Variants in HYPK observed in about 807,000 individuals in gnomAD.
HYPK encodes the protein huntingtin-interacting protein K.
Under a neutral mutation model 13.9 loss-of-function variants are expected in HYPK, and 9 were observed. The observed-to-expected ratio is 0.65, with a 90% CI of 0.39 to 1.13. The LOEUF (loss-of-function observed/expected upper bound fraction) is 1.13. Ranked by LOEUF, HYPK falls within the 50% of genes most tolerant of loss-of-function variation. The pLI, the probability that HYPK is intolerant of heterozygous loss-of-function variation, is 0.01. For synonymous variants in HYPK, 76 were observed against 57.0 expected (o/e 1.33, Z -1.50); for missense variants, 138 against 157.6 (o/e 0.88, Z 0.67).
rs1228200867 is a variant in HYPK, at chr15:43,802,137, A to T, written c.*331A>T. The T allele has an allele frequency of 3.7e-6, 1 of 272,566 alleles. No homozygotes were observed. The highest frequency in any genetic ancestry group is 2.2e-5 in the African/African-American group (1 of 46,014). The allele number at this position is 272,566 out of a possible 1,614,324, so 16.9% of individuals were successfully genotyped here. ...ATGGCATGTGTCTCCAAGACAGCTT[A>T]TGAATATCTAAAAGGCCAGCTACCT... is the stretch of plus-strand genomic sequence containing the variant. On this transcript the variant is annotated 3_prime_UTR_variant, in exon 4 of 4. Coordinates refer to ENST00000442995, the MANE Select transcript of HYPK (RefSeq NM_016400.4).
rs1287771306 is a variant in HYPK, at chr15:43,801,343, C to T, written c.218+156C>T. ...AACTTTACTCTTGTTAGCAGAAGGC[C>T]TCCTGGCAACACCTGCTGCCAAGAC... is the stretch of plus-strand genomic sequence containing the variant. On this transcript the variant is annotated intron_variant, in intron 2 of 3. Transcript: ENST00000442995. The T allele has an allele frequency of 4.8e-6, 4 of 835,584 alleles. No homozygotes were observed. The East Asian group carries it at 7.9e-5, about 17-fold the overall frequency. 51.8% of individuals were successfully genotyped at this position (835,584 alleles called of 1,614,324 possible). A position where few individuals can be genotyped will look rare whatever the true frequency, so the allele number is the denominator to read the frequency against.
Position 43,802,569 on chromosome 15 carries a change from C to CAAAAAAAAAAAAAAAAAAAAAAA in HYPK, c.*785_*786insAAAAAAAAAAAAAAAAAAAAAAA, listed in dbSNP as rs34069133. On this transcript the variant is annotated 3_prime_UTR_variant, in exon 4 of 4. Coordinates refer to ENST00000442995, the MANE Select transcript of HYPK (RefSeq NM_016400.4). ...TGGGGGAAAGAGTGAAACTCCATCT[C>CAAAAAAAAAAAAAAAAAAAAAAA]AAAAAAAAAAAAAAAAAAAAAAGCC... The CAAAAAAAAAAAAAAAAAAAAAAA allele has an allele frequency of 1.0e-4, 3 of 28,966 alleles. No homozygotes were observed. Among genetic ancestry groups the CAAAAAAAAAAAAAAAAAAAAAAA allele is most frequent in the Admixed American group, 4.5e-4 (1 of 2,236 alleles). 1.8% of individuals were successfully genotyped at this position (28,966 alleles called of 1,614,324 possible).
chr15:43,801,662 G>A, intron 3 of HYPK, 49 bp from the exon 4 acceptor site: 4 of 1,609,508 alleles, frequency 2.5e-6, no homozygotes, highest in Non-Finnish European at 8.5e-7. Context: ...AGTATATTTG[G>A]TGGCACATTA....
intron 2 of HYPK, 42 bp downstream of exon 2, chr15:43,801,229 C>G: frequency 6.6e-7 from 1 of 1,524,002 alleles, no homozygotes; most frequent in Non-Finnish European, 9.1e-7. Flanking sequence ...TTCTTCCCTC[C>G]CCGGTCCCCA....
At position 43,803,368 on chromosome 15, in the gene HYPK, G is replaced by T. The variant is rs375132834; in HGVS notation, c.*1562G>T. On this transcript the variant is annotated 3_prime_UTR_variant, in exon 4 of 4. Transcript: ENST00000442995. ...AGATTGTGCTACTGCACTCCAGCCT[G>T]GGCGACAGAGCAAGACTGTCTCAAA... Among the ~76,000 whole-genome samples the T allele has an allele frequency of 6.6e-6, 1 of 152,194 alleles. No individual in the cohort carries two copies. The highest frequency in any genetic ancestry group is 2.4e-5 in the African/African-American group (1 of 41,450).
rs11554827 is a variant in HYPK, at chr15:43,801,716, T to C, written c.276T>C (p.Thr92=). 5.1e-4 allele frequency: 819 copies of C among 1,614,204 alleles called. 4 individuals are homozygous for C. The African/African-American group carries it at 9.7e-3, about 19-fold the overall frequency. ...IKKEDLELIM[T]EMEISRAAAE... is the part of the protein sequence containing the mutation. ...AACATGATTTTTTTCTGCAGATGAC[T>C]GAGATGGAGATATCTCGAGCAGCAG... The change falls in exon 4 of 4, where the codon ACT becomes ACC. Residue 92 remains threonine, a synonymous_variant. Transcript: ENST00000442995.
rs750957050 is a variant in HYPK, at chr15:43,801,726, A to C, written c.286A>C (p.Ile96Leu). The change falls in exon 4 of 4, where the codon ATA (isoleucine) becomes CTA (leucine). Residue 96 changes from isoleucine (I) to leucine (L), a missense_variant. By Grantham distance (5) the Ile-to-Leu change is conservative. Coordinates refer to ENST00000442995, the MANE Select transcript of HYPK (RefSeq NM_016400.4). Reference sequence around the variant, plus strand: ...TTTTCTGCAGATGACTGAGATGGAGATATCTCGAGCAGCAGCAGAACGCAG... The same window carrying C: ...TTTTCTGCAGATGACTGAGATGGAGCTATCTCGAGCAGCAGCAGAACGCAG... ...DLELIMTEME[I>L]SRAAAERSLR... 1.2e-6 allele frequency: 2 copies of C among 1,614,204 alleles called. No homozygotes were observed. The highest frequency in any genetic ancestry group is 1.7e-6 in the Non-Finnish European group (2 of 1,180,036).
chr15:43,800,455 G>A (rs747380589), upstream of HYPK: 3 of 919,316 alleles, frequency 3.3e-6, no homozygotes, highest in East Asian at 7.9e-5. Flanking sequence ...GTACAAACCC[G>A]AAAGGAAGTC....
rs2141700594 is a variant in HYPK at position 43,802,009 on chromosome 15, C to T, written c.*203C>T. ...TATGAAAAATCAGTGTAGAAGAATA[C>T]CTCATGTGCAGATGCTAGGTGGCAG... On this transcript the variant is annotated 3_prime_UTR_variant, in exon 4 of 4. Transcript: ENST00000442995. 1.7e-6 allele frequency: 1 copy of T among 580,038 alleles called. No homozygotes were observed. The highest frequency in any genetic ancestry group is 3.1e-6 in the Non-Finnish European group (1 of 326,768). The allele number at this position is 580,038 out of a possible 1,614,324, so 35.9% of individuals were successfully genotyped here.
In HYPK at chr15:43,800,792, T is replaced by TGGCCAAGAGCATGTCGGGGCG; in HGVS notation, c.162+12_162+32dup. On this transcript the variant is annotated intron_variant, in intron 1 of 3. Transcript: ENST00000442995. ...AGTTCCAATCTGGAGACGGTAAGGT[T>TGGCCAAGAGCATGTCGGGGCG]GGCCAAGAGCATGTCGGGGCGGGCT... 6.2e-7 allele frequency: 1 copy of TGGCCAAGAGCATGTCGGGGCG among 1,603,138 alleles called. No homozygotes were observed. Among genetic ancestry groups the TGGCCAAGAGCATGTCGGGGCG allele is most frequent in the Non-Finnish European group, 8.5e-7 (1 of 1,173,352 alleles).
Position 43,801,894 on chromosome 15 carries a change from G to A in HYPK, c.*88G>A. 1 of 1,023,820 alleles carries A rather than the reference G, an allele frequency of 9.8e-7. No homozygotes were observed. Among genetic ancestry groups the A allele is most frequent in the South Asian group, 1.3e-5 (1 of 75,938 alleles). The allele number at this position is 1,023,820 out of a possible 1,614,324, so 63.4% of individuals were successfully genotyped here. A position where few individuals can be genotyped will look rare whatever the true frequency, so the allele number is the denominator to read the frequency against. The stretch of plus-strand genomic sequence containing the variant: ...TTTCAGTTTTATCATCTTGGGTCAA[G>A]TAGAGTGTATACTATATCCTATGTT... On this transcript the variant is annotated 3_prime_UTR_variant, in exon 4 of 4. Transcript: ENST00000442995.
In HYPK at chr15:43,802,551, A is replaced by T. The variant is rs1162695101; in HGVS notation, c.*745A>T. 7.4e-6 allele frequency: 1 copy of T among 135,104 alleles called. No homozygotes were observed. The highest frequency in any genetic ancestry group is 3.0e-5 in the African/African-American group (1 of 33,838). The allele number at this position is 135,104 out of a possible 1,614,324, so 8.4% of individuals were successfully genotyped here. On this transcript the variant is annotated 3_prime_UTR_variant, in exon 4 of 4. Coordinates refer to ENST00000442995, the MANE Select transcript of HYPK (RefSeq NM_016400.4). ...TACTACTGTACTCCAGCCTGGGGGA[A>T]AGAGTGAAACTCCATCTCAAAAAAA...
At chr15:43,801,270 A>G in intron 2 of HYPK, 83 bp downstream of exon 2, 1 of 1,225,142 alleles carries the variant, frequency 8.2e-7, no homozygotes, top group Non-Finnish European at 1.2e-6. Flanking sequence ...TTAAGCCTTT[A>G]TACCGTTCTT....
At chr15:43,801,217 A>G (rs201571814) in intron 2 of HYPK, 30 bp downstream of exon 2, 183 of 1,582,902 alleles carry the variant, frequency 1.2e-4, no homozygotes, top group Admixed American at 1.7e-4. Flanking sequence ...CAACTTTAAC[A>G]GTTCTTCCCT....
intron 1 of HYPK, 42 bp downstream of exon 1, chr15:43,800,826 A>C (rs1226479363): frequency 1.3e-6 from 2 of 1,531,608 alleles, no homozygotes; most frequent in Non-Finnish European, 1.8e-6. Flanking sequence ...CTGAGAGCAG[A>C]GGGGGGCTCT....
rs35814039 is a variant in HYPK at position 43,803,788 on chromosome 15, CAAAAA to C, written c.*1998_*2002del. 9.8e-6 allele frequency among the ~76,000 whole-genome samples: 1 copy of C among 102,382 alleles called. No individual in the cohort carries two copies. Among genetic ancestry groups the C allele is most frequent in the African/African-American group, 3.7e-5 (1 of 27,114 alleles). The allele number at this position is 102,382 out of a possible 152,430, so 67.2% of individuals were successfully genotyped here. A position where few individuals can be genotyped will look rare whatever the true frequency, so the allele number is the denominator to read the frequency against. Reference sequence around the variant, plus strand: ...GGGCAACAAGAGTGAAACTCCATCTCAAAAAAAAAAAAAAAAAAAATCAGCTTGGA... The same window carrying C: ...GGGCAACAAGAGTGAAACTCCATCTCAAAAAAAAAAAAAAATCAGCTTGGA... On this transcript the variant is annotated 3_prime_UTR_variant, in exon 4 of 4. Coordinates refer to ENST00000442995, the MANE Select transcript of HYPK (RefSeq NM_016400.4).
chr15:43,800,932 G>A (rs938754223), intron 1 of HYPK, 148 bp downstream of exon 1: 1 of 929,614 alleles, frequency 1.1e-6, no homozygotes, highest in Non-Finnish European at 1.6e-6. Context: ...AGCGGTCACC[G>A]GAGCGCGCCG....
Position 43,801,553 on chromosome 15 carries a change from A to G in HYPK, c.254A>G (p.Glu85Gly). 1 of 1,613,984 alleles carries G rather than the reference A, an allele frequency of 6.2e-7. No individual in the cohort carries two copies. The highest frequency in any genetic ancestry group is 8.5e-7 in the Non-Finnish European group (1 of 1,179,828). ...KELAKVTIKK[E>G]DLELIMTEME... is the part of the protein sequence containing the mutation. ...CTGGCAAAAGTCACTATCAAGAAGG[A>G]AGATCTGGAGCTAATAGTGAGTGGT... Residue 85 changes from glutamate (E) to glycine (G), a missense_variant, in exon 3 of 4, where the codon GAA becomes GGA. Physicochemically the swap from Glu to Gly is moderately conservative, Grantham distance 98. Transcript: ENST00000442995.
Position 43,802,067 on chromosome 15 carries a change from G to A in HYPK, c.*261G>A. Reference sequence around the variant, plus strand: ...TCATTCATCTGACTAGCTCTCAACAGTATTCAAGGTACATCTGGAGTCTCA... The same window carrying A: ...TCATTCATCTGACTAGCTCTCAACAATATTCAAGGTACATCTGGAGTCTCA... On this transcript the variant is annotated 3_prime_UTR_variant, in exon 4 of 4. Coordinates refer to ENST00000442995, the MANE Select transcript of HYPK (RefSeq NM_016400.4). 1 of 469,628 alleles carries A rather than the reference G, an allele frequency of 2.1e-6. No homozygotes were observed. Among genetic ancestry groups the A allele is most frequent in the Non-Finnish European group, 3.9e-6 (1 of 259,034 alleles). The allele number at this position is 469,628 out of a possible 1,614,324, so 29.1% of individuals were successfully genotyped here. A position where few individuals can be genotyped will look rare whatever the true frequency, so the allele number is the denominator to read the frequency against.
Sources: gnomAD v4.1 joint callset for allele counts (sites outside exome capture counted in the v4.1 genomes callset) on GRCh38, gnomAD v4.1.1 for gene constraint, MANE v1.5 for transcripts, NCBI Gene and HGNC (gene_info 2026-07-23, HGNC 2026-07-21) for gene names.